Variants in PSAT1 observed in about 807,000 individuals in gnomAD.
PSAT1 encodes the protein phosphoserine aminotransferase.
In PSAT1, 41 loss-of-function variants were observed where a neutral mutation model predicts 40.3. The ratio of observed to expected loss-of-function variants is 1.02; its 90% CI spans 0.79 to 1.32. PSAT1 has a LOEUF of 1.32. Among genes scored for constraint, PSAT1 ranks in the 40% most tolerant of loss-of-function variants. PSAT1 has a pLI of 0.00. For missense variants in PSAT1, 406 were observed against 455.8 expected (o/e 0.89, Z 0.99); for synonymous variants, 147 against 170.5 (o/e 0.86, Z 1.07).
chr9:78,309,135 G>A (rs1309949738), intron 6 of PSAT1, among the ~76,000 whole-genome samples: 1 of 152,064 alleles, frequency 6.6e-6, no homozygotes, highest in Non-Finnish European at 1.5e-5. Flanking sequence ...TTCTTTTCTG[G>A]GGATGTTGTT....
intron 7 of PSAT1, among the ~76,000 whole-genome samples, chr9:78,320,025 T>C: frequency 6.7e-6 from 1 of 149,504 alleles, no homozygotes; most frequent in Non-Finnish European, 1.5e-5. Flanking sequence ...CCCATTCATC[T>C]ATACATTCAT....
chr9:78,317,623 T>C, intron 6 of PSAT1, 53 bp from the exon 7 acceptor site: 1 of 1,596,834 alleles, frequency 6.3e-7, no homozygotes, highest in Non-Finnish European at 8.6e-7. Flanking sequence ...TTGAATATAG[T>C]TCTACTTTTG....
intron 6 of PSAT1, among the ~76,000 whole-genome samples, chr9:78,316,553 T>C (rs1226544714): frequency 6.6e-6 from 1 of 152,196 alleles, no homozygotes. Flanking sequence ...AAGGCCCTGA[T>C]TGGCCCAGTT....
Position 78,297,243 on chromosome 9 carries a change from G to T in PSAT1, c.33G>T (p.Gly11=), listed in dbSNP as rs767502606. Reference sequence around the variant, plus strand: ...CCCCCAGGCAGGTGGTCAACTTTGGGCCTGGTCCCGCCAAGCTGCCGCACT... The same window carrying T: ...CCCCCAGGCAGGTGGTCAACTTTGGTCCTGGTCCCGCCAAGCTGCCGCACT... The part of the protein sequence containing the change: MDAPRQVVNF[G]PGPAKLPHSV... The change falls in exon 1 of 9, where the codon GGG becomes GGT. Residue 11 remains glycine (G), a synonymous_variant. Transcript: ENST00000376588. 6.2e-6 allele frequency: 10 copies of T among 1,601,610 alleles called. No individual in the cohort carries two copies. In the Admixed American group the frequency reaches 1.3e-4, roughly 22 times the overall value.
intron 7 of PSAT1, among the ~76,000 whole-genome samples, chr9:78,326,953 A>ATTTTTT (rs1397133333): frequency 6.1e-5 from 5 of 81,514 alleles, no homozygotes; most frequent in African/African-American, 4.6e-4. Context: ...ATATATATAT[A>ATTTTTT]TATTTTTTTT....
chr9:78,304,597 A>G (rs1469426222), intron 3 of PSAT1, 138 bp from the exon 4 acceptor site: 1 of 826,140 alleles, frequency 1.2e-6, no homozygotes, highest in East Asian at 2.5e-5. Flanking sequence ...GAATTAGGGA[A>G]GACAAAGTAG....
chr9:78,306,180 A>G, intron 4 of PSAT1, 134 bp from the exon 5 acceptor site: 2 of 948,472 alleles, frequency 2.1e-6, no homozygotes, highest in Non-Finnish European at 3.5e-6. Flanking sequence ...GGTTGCTTTC[A>G]CTCGTGCAAT....
At chr9:78,308,280 G>A (rs2118650152) in intron 5 of PSAT1, 134 bp from the exon 6 acceptor site, 2 of 1,019,436 alleles carry the variant, frequency 2.0e-6, no homozygotes, top group Non-Finnish European at 3.0e-6. Flanking sequence ...TTGCTTTAGA[G>A]CATGAACTGC....
chr9:78,297,389 G>A (rs569771430), intron 1 of PSAT1, 119 bp downstream of exon 1: 4 of 1,197,698 alleles, frequency 3.3e-6, no homozygotes, highest in Non-Finnish European at 4.8e-6. Flanking sequence ...TCCCCTAGGC[G>A]CTTTGCATCA....
chr9:78,327,412 T>G (rs934634975), intron 7 of PSAT1, among the ~76,000 whole-genome samples: 2 of 152,122 alleles, frequency 1.3e-5, no homozygotes, highest in Non-Finnish European at 1.5e-5. Context: ...AGATTCCACC[T>G]CTTCTTATTT....
At chr9:78,316,704 A>G (rs921195548) in intron 6 of PSAT1, among the ~76,000 whole-genome samples, 1 of 152,176 alleles carries the variant, frequency 6.6e-6, no homozygotes, top group African/African-American at 2.4e-5. Context: ...CCGGTTCCAG[A>G]TGGGAAAACC....
chr9:78,324,762 A>G (rs1828473412), intron 7 of PSAT1, among the ~76,000 whole-genome samples: 1 of 151,984 alleles, frequency 6.6e-6, no homozygotes, highest in South Asian at 2.1e-4. Context: ...GAAAAAAAAA[A>G]GGGAGAGCCT....
chr9:78,322,230 C>T (rs1455687752), intron 7 of PSAT1, among the ~76,000 whole-genome samples: 1 of 151,692 alleles, frequency 6.6e-6, no homozygotes, highest in Non-Finnish European at 1.5e-5. Context: ...TATGTGGGTA[C>T]CAGGCCTTAG....
At chr9:78,307,768 G>A (rs946289439) in intron 5 of PSAT1, among the ~76,000 whole-genome samples, 9 of 152,132 alleles carry the variant, frequency 5.9e-5, no homozygotes, top group Admixed American at 3.3e-4. Context: ...TTGGCCAGGC[G>A]CAGTGGCTCA....
intron 1 of PSAT1, among the ~76,000 whole-genome samples, chr9:78,299,454 A>G (rs542300891): frequency 1.3e-5 from 2 of 151,870 alleles, no homozygotes; most frequent in Admixed American, 6.6e-5. Context: ...CCAACATTTC[A>G]GAAAACAATA....
At chr9:78,316,222 T>A (rs923567652) in intron 6 of PSAT1, among the ~76,000 whole-genome samples, 2 of 152,218 alleles carry the variant, frequency 1.3e-5, no homozygotes, top group African/African-American at 4.8e-5. Context: ...CCAGGCCCTG[T>A]GCTAAGCGTT....
At chr9:78,323,859 A>C (rs572337506) in intron 7 of PSAT1, among the ~76,000 whole-genome samples, 10 of 152,260 alleles carry the variant, frequency 6.6e-5, no homozygotes, top group Non-Finnish European at 1.5e-4. Flanking sequence ...ATAGGGTTGC[A>C]TTTGGTAGGC....
Position 78,326,959 on chromosome 9 carries a change from T to A in PSAT1, c.870-1092T>A, listed in dbSNP as rs865889881. 3.9e-3 allele frequency among the ~76,000 whole-genome samples: 403 copies of A among 102,358 alleles called. 2 individuals are homozygous for A. Among genetic ancestry groups the A allele is most frequent in the East Asian group, 0.014 (44 of 3,252 alleles). 67.2% of individuals were successfully genotyped at this position (102,358 alleles called of 152,430 possible). ...AATATATATATATATATATATATTT[T>A]TTTTTTTTTTTTTTGAGACAGAGTC... On this transcript the variant is annotated intron_variant, in intron 7 of 8. Coordinates refer to ENST00000376588, the MANE Select transcript of PSAT1 (RefSeq NM_058179.4).
At chr9:78,328,450 G>A (rs373235881) in intron 8 of PSAT1, among the ~76,000 whole-genome samples, 1 of 152,162 alleles carries the variant, frequency 6.6e-6, no homozygotes, top group Non-Finnish European at 1.5e-5. Context: ...TACACTGCTC[G>A]TATAGCACAG....
Sources: allele counts gnomAD v4.1 joint callset (sites outside exome capture counted in the v4.1 genomes callset), GRCh38; gene constraint gnomAD v4.1.1; transcripts MANE v1.5; gene names NCBI Gene and HGNC (gene_info 2026-07-23, HGNC 2026-07-21).